Variants in PEAK1 observed in about 807,000 individuals in gnomAD.
PEAK1 encodes inactive tyrosine-protein kinase PEAK1.
PEAK1 carries 54 observed loss-of-function variants against 124.7 expected under a neutral mutation model. The ratio of observed to expected loss-of-function variants is 0.43; its 90% confidence interval spans 0.35 to 0.54. PEAK1 has a LOEUF of 0.54. PEAK1 is among the 20% of genes least tolerant of loss of function. The pLI, the probability that PEAK1 is intolerant of heterozygous loss-of-function variation, is 0.01. For synonymous variants in PEAK1, 719 were observed against 760.0 expected (o/e 0.95, Z 0.89); for missense variants, 2,046 against 2,134.5 (o/e 0.96, Z 0.82).
intron 9 of PEAK1, among the ~76,000 whole-genome samples, chr15:77,116,387 A>G (rs1263765453): frequency 1.3e-4 from 20 of 152,098 alleles, no homozygotes; most frequent in Admixed American, 8.5e-4. Flanking sequence ...AGGAACATGC[A>G]CTCTCTGTAG....
chr15:77,377,350 T>A (rs2069110885), intron 1 of PEAK1, among the ~76,000 whole-genome samples: 1 of 152,278 alleles, frequency 6.6e-6, no homozygotes, highest in East Asian at 1.9e-4. Flanking sequence ...AGCCACTGCA[T>A]TCCAGCCTGG....
At chr15:77,408,154 T>TATACACACACACAC (rs1555504227) in intron 1 of PEAK1, among the ~76,000 whole-genome samples, 2 of 144,352 alleles carry the variant, frequency 1.4e-5, no homozygotes, top group Admixed American at 7.0e-5. Context: ...CATATATACA[T>TATACACACACACAC]ACACACACAC....
chr15:77,179,991 C>T lies in PEAK1; in HGVS notation c.1936G>A (p.Gly646Arg), dbSNP rs936841681. Residue 646 changes from glycine to arginine, a missense_variant, in exon 7 of 10, where the codon GGA (glycine) becomes AGA (arginine). Transcript: ENST00000682557. ...DNLAIYKSFLGTSGELSVKEK... is the reference protein window; with the variant it reads ...DNLAIYKSFLRTSGELSVKEK... ...TTCACTGAGAGTTCTCCACTTGTTC[C>T]CAGAAAACTTTTGTAGATAGCTAGA... The T allele has an allele frequency of 2.5e-6, 4 of 1,613,852 alleles. No individual in the cohort carries two copies. The African/African-American group carries it at 5.3e-5, about 22-fold the overall frequency.
intron 6 of PEAK1, among the ~76,000 whole-genome samples, chr15:77,238,290 T>C (rs1042552895): frequency 2.0e-5 from 3 of 152,164 alleles, no homozygotes; most frequent in Non-Finnish European, 2.9e-5. Context: ...TTAGTAATTA[T>C]AGGATTATTG....
In PEAK1 at chr15:77,181,801, A is replaced by G. The variant is rs188207927; in HGVS notation, c.126T>C (p.Asn42=). The G allele has an allele frequency of 1.9e-4, 306 of 1,614,126 alleles. 1 individual carries two copies. The Middle Eastern group carries it at 4.3e-3, about 23-fold the overall frequency. ...TACTGTGATTGGCATTAGTTTTCAC[A>G]TTGCCATGGGTGATGGGTGCCTTCT... ...DPEKAPITHG[N]VKTNANHSNN... is the part of the protein sequence containing the mutation. Residue 42 remains asparagine, a synonymous_variant, in exon 7 of 10, where the codon AAT becomes AAC. Transcript: ENST00000682557.
intron 1 of PEAK1, chr15:77,418,296 G>A: frequency 1.0e-6 from 1 of 985,284 alleles, no homozygotes; most frequent in Non-Finnish European, 1.2e-6. Context: ...GGGGTAGTGA[G>A]GGAAAAGAAG....
chr15:77,344,776 GT>G (rs1238109455), intron 2 of PEAK1, among the ~76,000 whole-genome samples: 1 of 152,022 alleles, frequency 6.6e-6, no homozygotes, highest in Non-Finnish European at 1.5e-5. Flanking sequence ...CACCTCCTTG[GT>G]TAATTTATTC....
intron 6 of PEAK1, among the ~76,000 whole-genome samples, chr15:77,182,376 A>G (rs530183648): frequency 1.3e-5 from 2 of 152,120 alleles, no homozygotes; most frequent in East Asian, 3.9e-4. Flanking sequence ...TTCCCAGCCC[A>G]TTATAGATTC....
intron 1 of PEAK1, among the ~76,000 whole-genome samples, chr15:77,407,064 G>C (rs2071886849): frequency 6.6e-6 from 1 of 152,158 alleles, no homozygotes; most frequent in African/African-American, 2.4e-5. Flanking sequence ...TAATTAGCTA[G>C]CCACATGTAG....
At position 77,133,754 on chromosome 15, in the gene PEAK1, T is replaced by G; in HGVS notation, c.3332-4A>C. The G allele has an allele frequency of 6.4e-7, 1 of 1,551,828 alleles. No homozygotes were observed. Among genetic ancestry groups the G allele is most frequent in the Non-Finnish European group, 8.7e-7 (1 of 1,153,532 alleles). ...ATCATGGCTGCTCTAGATTGCCCTG[T>G]ATTGTTTTTAAAGCAATAAAAAGAA... On this transcript the variant is annotated splice_polypyrimidine_tract_variant and splice_region_variant and intron_variant, in intron 8 of 9. Coordinates refer to ENST00000682557, the MANE Select transcript of PEAK1 (RefSeq NM_001385026.1). The surrounding 1 kb of genome is among the most constrained non-coding windows in gnomAD (Gnocchi z 4.2).
At chr15:77,255,454 T>C (rs1320871298) in intron 5 of PEAK1, 9 of 859,470 alleles carry the variant, frequency 1.0e-5, no homozygotes, top group Admixed American at 6.2e-5. Flanking sequence ...GTTACCTTTC[T>C]GTTTTATTTC....
rs191494741 is a variant in PEAK1, at chr15:77,233,884, G to C, written c.-115+18483C>G. ...TATTAAACCTCTCTTTTTTTTGAAA[G>C]ACATAGGGTCTCACTTTGTTGCCCA... On this transcript the variant is annotated intron_variant, in intron 6 of 9. Coordinates refer to ENST00000682557, the MANE Select transcript of PEAK1 (RefSeq NM_001385026.1). Among the ~76,000 whole-genome samples the C allele has an allele frequency of 5.3e-3, 808 of 151,802 alleles. 6 individuals carry two copies. The highest frequency in any genetic ancestry group is 6.4e-3 in the Non-Finnish European group (434 of 67,926).
intron 1 of PEAK1, chr15:77,417,962 A>T: frequency 2.1e-6 from 2 of 971,638 alleles, no homozygotes; most frequent in Non-Finnish European, 2.4e-6. Context: ...CCATAAATGT[A>T]CAAAGATAAA....
rs138937139 is a variant in PEAK1 at position 77,337,692 on chromosome 15, T to A, written c.-603+27471A>T. ...GCAAAAAATTAACCCGGAAAAGTCA[T>A]TTGTCAGTAACCCTTTATTATTATA... On this transcript the variant is annotated intron_variant, in intron 2 of 9. Coordinates refer to ENST00000682557, the MANE Select transcript of PEAK1 (RefSeq NM_001385026.1). 8.3e-5 allele frequency: 82 copies of A among 985,288 alleles called. 1 individual carries two copies. The African/African-American group carries it at 1.3e-3, about 15-fold the overall frequency. The allele number at this position is 985,288 out of a possible 1,614,324, so 61.0% of individuals were successfully genotyped here.
chr15:77,238,443 T>A (rs774420719), intron 6 of PEAK1, among the ~76,000 whole-genome samples: 7 of 152,306 alleles, frequency 4.6e-5, no homozygotes, highest in Non-Finnish European at 8.8e-5. Context: ...CCTGCATGTC[T>A]CTGAGGACAG....
chr15:77,112,704 C>CAA lies in PEAK1; in HGVS notation c.*1450_*1451dup, dbSNP rs2051057104. 7.2e-6 allele frequency: 1 copy of CAA among 138,064 alleles called. No homozygotes were observed. Among genetic ancestry groups the CAA allele is most frequent in the Admixed American group, 7.3e-5 (1 of 13,714 alleles). 8.6% of individuals were successfully genotyped at this position (138,064 alleles called of 1,614,324 possible). On this transcript the variant is annotated 3_prime_UTR_variant, in exon 10 of 10. Coordinates refer to ENST00000682557, the MANE Select transcript of PEAK1 (RefSeq NM_001385026.1). Reference sequence around the variant, plus strand: ...ACACACACACACACACACACACACACAACCCCAGTGGAAGGAACGCTCATC... The same window carrying CAA: ...ACACACACACACACACACACACACACAAAACCCCAGTGGAAGGAACGCTCATC...
intron 5 of PEAK1, among the ~76,000 whole-genome samples, chr15:77,258,967 C>G (rs1019707430): frequency 7.9e-5 from 12 of 151,880 alleles, no homozygotes; most frequent in South Asian, 4.1e-4. Flanking sequence ...GGCCTTTTCT[C>G]CATCTATTGA....
At chr15:77,407,652 T>C (rs1386611115) in intron 1 of PEAK1, among the ~76,000 whole-genome samples, 1 of 152,202 alleles carries the variant, frequency 6.6e-6, no homozygotes, top group Admixed American at 6.5e-5. Flanking sequence ...TTTACACTGC[T>C]GGTGGGAATG....
intron 2 of PEAK1, among the ~76,000 whole-genome samples, chr15:77,293,629 T>A (rs2063338911): frequency 6.6e-6 from 1 of 152,194 alleles, no homozygotes; most frequent in South Asian, 2.1e-4. Flanking sequence ...CACACTTTTA[T>A]TATAGAATTA....
Sources: allele counts gnomAD v4.1 joint callset (sites outside exome capture counted in the v4.1 genomes callset), GRCh38; gene constraint gnomAD v4.1.1; non-coding constraint Gnocchi (gnomAD v3.1); transcripts MANE v1.5; gene names NCBI Gene and HGNC (gene_info 2026-07-23, HGNC 2026-07-21).